Variants in SEMA3A observed in about 807,000 individuals in gnomAD.
The protein encoded by SEMA3A is semaphorin 3A.
In SEMA3A, 29 loss-of-function variants were observed where a neutral mutation model predicts 97.9. That is an observed-to-expected ratio of 0.30 (90% CI 0.22 to 0.40). The LOEUF is 0.40. SEMA3A is among the 10% of genes least tolerant of loss of function. The pLI, the probability that SEMA3A is intolerant of heterozygous loss-of-function variation, is 1.00. For synonymous variants in SEMA3A, 321 were observed against 323.7 expected, an observed-to-expected ratio of 0.99 and a Z score of 0.09; for missense variants, 763 against 951.3, an observed-to-expected ratio of 0.80 and a Z score of 2.60.
intron 1 of SEMA3A, among the ~76,000 whole-genome samples, chr7:84,394,285 T>C (rs1316540020): frequency 2.0e-5 from 3 of 152,246 alleles, no homozygotes; most frequent in African/African-American, 7.2e-5. Context: ...CAGTTTAAAG[T>C]ATTTTTAACT....
rs1192062674 is a variant in SEMA3A, at chr7:83,957,251, T to G, written c.*4120A>C. 11 of 149,526 alleles carry G rather than the reference T, an allele frequency of 7.4e-5. No homozygotes were observed. Among genetic ancestry groups the G allele is most frequent in the African/African-American group, 2.3e-4 (9 of 39,480 alleles). 9.3% of individuals were successfully genotyped at this position (149,526 alleles called of 1,614,324 possible). On this transcript the variant is annotated 3_prime_UTR_variant, in exon 17 of 17. Coordinates refer to ENST00000265362, the MANE Select transcript of SEMA3A (RefSeq NM_006080.3). ...AAAGACTTGCTGGATTAGATGATGA[T>G]AAGTCATCTCGCTCTGTTTCCTTAA...
intron 2 of SEMA3A, among the ~76,000 whole-genome samples, chr7:84,353,657 A>G (rs1802486548): frequency 6.6e-6 from 1 of 151,622 alleles, no homozygotes; most frequent in Admixed American, 6.6e-5. Flanking sequence ...AAAGTGTTTC[A>G]TTTTCTTTGT....
chr7:83,967,574 G>A (rs1029274763), intron 15 of SEMA3A, among the ~76,000 whole-genome samples: 2 of 152,080 alleles, frequency 1.3e-5, no homozygotes, highest in South Asian at 4.1e-4. Flanking sequence ...GGCCAACATG[G>A]TGAAACCCCA....
At chr7:84,412,366 T>G (rs1054652136) in intron 1 of SEMA3A, among the ~76,000 whole-genome samples, 31 of 152,150 alleles carry the variant, frequency 2.0e-4, no homozygotes, top group Admixed American at 1.2e-3. Context: ...AACTGTATTG[T>G]TCCATGGTGA....
chr7:84,357,184 G>A (rs925578826), intron 2 of SEMA3A, among the ~76,000 whole-genome samples: 3 of 150,808 alleles, frequency 2.0e-5, no homozygotes, highest in Admixed American at 6.6e-5. Context: ...CAACATGCAG[G>A]CTTGTTACAT....
intron 2 of SEMA3A, among the ~76,000 whole-genome samples, chr7:84,349,667 G>A (rs2214362): frequency 0.21 from 31,281 of 152,054 alleles, 3,400 homozygotes; most frequent in Admixed American, 0.27. Context: ...ACTGCAACTG[G>A]CTTCACCAAA....
intron 1 of SEMA3A, among the ~76,000 whole-genome samples, chr7:84,160,581 A>G (rs1014201286): frequency 2.6e-5 from 4 of 151,434 alleles, no homozygotes; most frequent in Non-Finnish European, 5.9e-5. Flanking sequence ...CAAACAAACA[A>G]AAAAATTCCA....
In SEMA3A at chr7:83,957,571, A is replaced by G. The variant is rs1788319565; in HGVS notation, c.*3800T>C. 6.6e-6 allele frequency: 1 copy of G among 152,060 alleles called. No individual in the cohort carries two copies. Among genetic ancestry groups the G allele is most frequent in the African/African-American group, 2.4e-5 (1 of 41,422 alleles). The allele number at this position is 152,060 out of a possible 1,614,324, so 9.4% of individuals were successfully genotyped here. A position where few individuals can be genotyped will look rare whatever the true frequency, so the allele number is the denominator to read the frequency against. ...TTACGTTGATTGCGAAACTGTCCTT[A>G]CTATATGGGCTGTCACATATGCTGA... is the stretch of plus-strand genomic sequence containing the variant. On this transcript the variant is annotated 3_prime_UTR_variant, in exon 17 of 17. Coordinates refer to ENST00000265362, the MANE Select transcript of SEMA3A (RefSeq NM_006080.3).
chr7:84,045,026 G>A (rs1160971911), intron 6 of SEMA3A, among the ~76,000 whole-genome samples: 2 of 151,946 alleles, frequency 1.3e-5, no homozygotes, highest in African/African-American at 4.8e-5. Flanking sequence ...TTTGAGGTAT[G>A]TTTTATGTTT....
At chr7:83,982,775 T>C (rs1210863200) in intron 13 of SEMA3A, among the ~76,000 whole-genome samples, 1 of 152,132 alleles carries the variant, frequency 6.6e-6, no homozygotes, top group East Asian at 1.9e-4. Flanking sequence ...AAGGCTTTCA[T>C]GTATAAACTG....
At chr7:84,239,405 T>G (rs1158931491) in intron 3 of SEMA3A, among the ~76,000 whole-genome samples, 1 of 152,200 alleles carries the variant, frequency 6.6e-6, no homozygotes, top group Admixed American at 6.5e-5. Context: ...ATCCACTTTT[T>G]GTGGCCAAGT....
In SEMA3A at chr7:84,005,597, C is replaced by A. The variant is rs777464264; in HGVS notation, c.1141-39G>T. ...GAGAAAATTATCTTTTGATTAAAAT[C>A]TAATAAACATAATTATAAATTATAT... On this transcript the variant is annotated intron_variant, in intron 10 of 16. Transcript: ENST00000265362. The A allele has an allele frequency of 7.3e-5, 95 of 1,307,184 alleles. No homozygotes were observed. The Middle Eastern group carries it at 2.2e-3, about 30-fold the overall frequency. 81.0% of individuals were successfully genotyped at this position (1,307,184 alleles called of 1,614,324 possible).
At chr7:84,032,161 CA>C (rs1791782875) in intron 6 of SEMA3A, among the ~76,000 whole-genome samples, 1 of 152,124 alleles carries the variant, frequency 6.6e-6, no homozygotes, top group Non-Finnish European at 1.5e-5. Flanking sequence ...GATGCATTGG[CA>C]GTGCGGCTTG....
At chr7:84,062,103 A>T (rs1793240236) in intron 4 of SEMA3A, among the ~76,000 whole-genome samples, 1 of 152,228 alleles carries the variant, frequency 6.6e-6, no homozygotes. Flanking sequence ...TTTTAAAAGC[A>T]GCAAAATTTT....
At chr7:84,040,813 T>A (rs76881522) in intron 6 of SEMA3A, among the ~76,000 whole-genome samples, 19,856 of 151,862 alleles carry the variant, frequency 0.13, 1,604 homozygotes, top group East Asian at 0.37. Context: ...GAGAAAAAAA[T>A]GTAAAAAACA....
At chr7:84,136,329 TTCATTTTA>T (rs1796123960) in intron 1 of SEMA3A, among the ~76,000 whole-genome samples, 1 of 152,234 alleles carries the variant, frequency 6.6e-6, no homozygotes, top group South Asian at 2.1e-4. Context: ...TACTGACCTC[TTCATTTTA>T]TCATTTTATC....
At chr7:84,151,669 G>T (rs1796676091) in intron 1 of SEMA3A, among the ~76,000 whole-genome samples, 1 of 152,172 alleles carries the variant, frequency 6.6e-6, no homozygotes, top group Admixed American at 6.5e-5. Context: ...ACACTCTGCA[G>T]GCAACAAAAG....
At chr7:84,343,657 T>A (rs1443462585) in intron 2 of SEMA3A, among the ~76,000 whole-genome samples, 4 of 152,000 alleles carry the variant, frequency 2.6e-5, no homozygotes, top group Non-Finnish European at 4.4e-5. Context: ...GATGTCAATA[T>A]AAAATTAGCA....
chr7:84,477,280 T>C (rs1466455996), intron 1 of SEMA3A, among the ~76,000 whole-genome samples: 2 of 149,292 alleles, frequency 1.3e-5, no homozygotes, highest in East Asian at 2.0e-4. Context: ...CTACTAAAAA[T>C]ACAAAAAAAT....
Sources: allele counts gnomAD v4.1 joint callset (sites outside exome capture counted in the v4.1 genomes callset), GRCh38; gene constraint gnomAD v4.1.1; transcripts MANE v1.5; gene names NCBI Gene and HGNC (gene_info 2026-07-23, HGNC 2026-07-21).